Variants in CTNNA3 observed in about 807,000 individuals in gnomAD.
CTNNA3 encodes the protein catenin alpha-3.
A neutral mutation model predicts 95.7 loss-of-function variants in CTNNA3; 76 were observed. The ratio of observed to expected loss-of-function variants is 0.79; its 90% confidence interval spans 0.66 to 0.96. The LOEUF (loss-of-function observed/expected upper bound fraction) is 0.96, where lower values mean the gene tolerates loss of function less well. CTNNA3 is among the 40% of genes least tolerant of loss of function. The probability of loss-of-function intolerance (pLI) is 0.00; values close to 1 mark genes in which losing one functional copy is unlikely to be tolerated. For missense variants in CTNNA3, 1,191 were observed against 1,089.8 expected, an observed-to-expected ratio of 1.09 and a Z score of -1.31; for synonymous variants, 431 against 374.4, an observed-to-expected ratio of 1.15 and a Z score of -1.74.
At chr10:66,431,132 G>A (rs1248520712) in intron 11 of CTNNA3, among the ~76,000 whole-genome samples, 1 of 151,690 alleles carries the variant, frequency 6.6e-6, no homozygotes, top group African/African-American at 2.4e-5. Flanking sequence ...GCAGCCTACA[G>A]ACACATGAAA....
chr10:67,349,352 C>T (rs1427473776), intron 5 of CTNNA3, among the ~76,000 whole-genome samples: 2 of 152,000 alleles, frequency 1.3e-5, no homozygotes, highest in Admixed American at 6.6e-5. Context: ...TATCTATATA[C>T]AATGGAATAT....
At chr10:67,698,743 T>C (rs548474019), upstream of CTNNA3, among the ~76,000 whole-genome samples, 1 of 151,036 alleles carries the variant, frequency 6.6e-6, no homozygotes, top group Non-Finnish European at 1.5e-5. Context: ...ATTAAAACCA[T>C]TTTTTTCAAA....
intron 8 of CTNNA3, among the ~76,000 whole-genome samples, chr10:66,772,575 A>G (rs1190568393): frequency 6.6e-6 from 1 of 152,214 alleles, no homozygotes; most frequent in Non-Finnish European, 1.5e-5. Flanking sequence ...CAGAGAACCT[A>G]GAACACCATG....
chr10:67,191,676 A>G (rs1863126548), intron 6 of CTNNA3, among the ~76,000 whole-genome samples: 1 of 151,962 alleles, frequency 6.6e-6, no homozygotes, highest in African/African-American at 2.4e-5. Flanking sequence ...TATATTACCC[A>G]AAGTGATCTA....
At chr10:66,974,629 G>A (rs1476605050) in intron 7 of CTNNA3, among the ~76,000 whole-genome samples, 1 of 152,142 alleles carries the variant, frequency 6.6e-6, no homozygotes, top group African/African-American at 2.4e-5. Flanking sequence ...CATCAGTAAT[G>A]TATAAGAGTT....
chr10:66,829,195 T>C (rs1351753421), intron 7 of CTNNA3, among the ~76,000 whole-genome samples: 1 of 152,216 alleles, frequency 6.6e-6, no homozygotes, highest in Non-Finnish European at 1.5e-5. Flanking sequence ...GGGCTGTTAA[T>C]AGATACTCCA....
rs1845373995 is a variant in CTNNA3 at position 67,411,727 on chromosome 10, G to A, written c.579+110115C>T. ...TATAACAGAGTTTTCCTTTTTTGTG[G>A]GAGTGTCAGATTTTGAGTTTTACAG... On this transcript the variant is annotated intron_variant, in intron 5 of 17. Coordinates refer to ENST00000433211, the MANE Select transcript of CTNNA3 (RefSeq NM_013266.4). Among the ~76,000 whole-genome samples, 5 of 151,932 alleles carry A rather than the reference G, an allele frequency of 3.3e-5. No individual in the cohort carries two copies. In the South Asian group the frequency reaches 1.0e-3, roughly 31 times the overall value.
chr10:66,516,223 G>A (rs1840852763), intron 11 of CTNNA3, among the ~76,000 whole-genome samples: 1 of 152,068 alleles, frequency 6.6e-6, no homozygotes, highest in Non-Finnish European at 1.5e-5. Flanking sequence ...TGTGGGAGCA[G>A]ATGTTGAAAA....
intron 13 of CTNNA3, among the ~76,000 whole-genome samples, chr10:66,240,110 T>C (rs1437036982): frequency 6.6e-6 from 1 of 152,004 alleles, no homozygotes; most frequent in Non-Finnish European, 1.5e-5. Context: ...TTTATTATAA[T>C]GGTAATTGAT....
chr10:66,318,423 C>T (rs141350939), intron 12 of CTNNA3, among the ~76,000 whole-genome samples: 1 of 151,946 alleles, frequency 6.6e-6, no homozygotes, highest in Non-Finnish European at 1.5e-5. Flanking sequence ...GAGACAAGTG[C>T]ACCTATCTTT....
chr10:67,627,996 G>C (rs1839014158), intron 2 of CTNNA3, among the ~76,000 whole-genome samples: 1 of 151,294 alleles, frequency 6.6e-6, no homozygotes, highest in Non-Finnish European at 1.5e-5. Flanking sequence ...GTTTCAAAAT[G>C]AGAAAAATGA....
chr10:66,385,745 G>A (rs1261224490), intron 11 of CTNNA3, among the ~76,000 whole-genome samples: 3 of 152,124 alleles, frequency 2.0e-5, no homozygotes, highest in African/African-American at 7.2e-5. Context: ...CATCCACCAT[G>A]ATCAAGTAGG....
chr10:66,212,901 G>T (rs1391715813), intron 13 of CTNNA3, among the ~76,000 whole-genome samples: 3 of 152,154 alleles, frequency 2.0e-5, no homozygotes, highest in East Asian at 3.9e-4. Flanking sequence ...TATGCGGGAG[G>T]CTGAGGCATG....
At chr10:66,470,028 G>A (rs1320206641) in intron 11 of CTNNA3, among the ~76,000 whole-genome samples, 1 of 151,616 alleles carries the variant, frequency 6.6e-6, no homozygotes, top group Non-Finnish European at 1.5e-5. Context: ...ATTTTGAGAA[G>A]GATCCACTTT....
intron 16 of CTNNA3, among the ~76,000 whole-genome samples, chr10:65,980,204 T>C (rs1236634642): frequency 2.0e-5 from 3 of 151,846 alleles, no homozygotes; most frequent in Non-Finnish European, 4.4e-5. Flanking sequence ...CACCTTTACA[T>C]ACATAAACTA....
upstream of CTNNA3, among the ~76,000 whole-genome samples, chr10:67,699,130 C>T (rs1375411043): frequency 1.3e-5 from 2 of 152,146 alleles, no homozygotes; most frequent in Non-Finnish European, 2.9e-5. Context: ...TTCACGATCA[C>T]CTCACACACT....
At chr10:67,209,046 TG>T (rs1476651086) in intron 6 of CTNNA3, among the ~76,000 whole-genome samples, 3 of 107,928 alleles carry the variant, frequency 2.8e-5, no homozygotes, top group African/African-American at 1.5e-4. Context: ...TGTTATTTTT[TG>T]TTGTTGTTGT....
At chr10:66,729,764 AC>A (rs1848895286) in intron 9 of CTNNA3, among the ~76,000 whole-genome samples, 1 of 152,178 alleles carries the variant, frequency 6.6e-6, no homozygotes, top group South Asian at 2.1e-4. Flanking sequence ...GTAACCAAAC[AC>A]CATGTGTTCC....
rs976520978 is a variant in CTNNA3 at position 66,402,014 on chromosome 10, G to A, written c.1532-22662C>T. On this transcript the variant is annotated intron_variant, in intron 11 of 17. Transcript: ENST00000433211. ...TTAGTTGTAAATAGATAGCTCCACC[G>A]ATAGTGAGGTTAAAATGCTCAAAGT... Among the ~76,000 whole-genome samples the A allele has an allele frequency of 1.7e-4, 26 of 152,028 alleles. No homozygotes were observed. The South Asian group carries it at 3.3e-3, about 19-fold the overall frequency.
Sources: allele counts gnomAD v4.1 joint callset (sites outside exome capture counted in the v4.1 genomes callset), GRCh38; gene constraint gnomAD v4.1.1; transcripts MANE v1.5; gene names NCBI Gene and HGNC (gene_info 2026-07-23, HGNC 2026-07-21).